The following CPS1 variants were observed in gnomAD, a reference collection of about 807,000 sequenced individuals.
The protein encoded by CPS1 is carbamoyl-phosphate synthase 1.
A neutral mutation model predicts 174.6 loss-of-function variants in CPS1; 109 were observed. That is an observed-to-expected ratio of 0.62 (90% CI 0.53 to 0.73). The LOEUF is 0.73. Ranked by LOEUF, CPS1 falls within the 30% of genes least tolerant of loss-of-function variation. CPS1 has a pLI of 0.00. For synonymous variants in CPS1, 637 were observed against 632.0 expected, an observed-to-expected ratio of 1.01 and a Z score of -0.12; for missense variants, 1,689 against 1,821.9, an observed-to-expected ratio of 0.93 and a Z score of 1.33.
chr2:210,623,039 A>C (rs899784093), intron 21 of CPS1, among the ~76,000 whole-genome samples: 4 of 152,098 alleles, frequency 2.6e-5, no homozygotes, highest in African/African-American at 9.7e-5. Context: ...TATCTTAAAG[A>C]AGATGGCCAG....
intron 1 of CPS1, among the ~76,000 whole-genome samples, chr2:210,515,600 G>A (rs2105981494): frequency 6.6e-6 from 1 of 151,084 alleles, no homozygotes; most frequent in South Asian, 2.1e-4. Context: ...TCTTTTTGTT[G>A]TTAATCTAGG....
chr2:210,583,023 A>G (rs1329626542), intron 6 of CPS1, among the ~76,000 whole-genome samples: 1 of 152,208 alleles, frequency 6.6e-6, no homozygotes, highest in East Asian at 1.9e-4. Context: ...CTGAATTGCC[A>G]AAGATAGGTC....
chr2:210,545,539 GACTT>G (rs964427980), intron 1 of CPS1, among the ~76,000 whole-genome samples: 4 of 151,794 alleles, frequency 2.6e-5, no homozygotes, highest in African/African-American at 7.3e-5. Context: ...GAGATTTTAA[GACTT>G]ACTATTTTTT....
chr2:210,554,895 G>A (rs1002141927), upstream of CPS1, among the ~76,000 whole-genome samples: 3 of 150,572 alleles, frequency 2.0e-5, no homozygotes, highest in South Asian at 2.1e-4. Context: ...AGATCAAGGC[G>A]TAAACTAGTA....
intron 1 of CPS1, among the ~76,000 whole-genome samples, chr2:210,508,654 A>G (rs1391820484): frequency 6.6e-6 from 1 of 152,240 alleles, no homozygotes; most frequent in Non-Finnish European, 1.5e-5. Context: ...AGAAGAAAAC[A>G]GAGAAGAATC....
intron 24 of CPS1, among the ~76,000 whole-genome samples, chr2:210,640,552 T>G (rs1700188544): frequency 6.6e-6 from 1 of 152,194 alleles, no homozygotes; most frequent in Non-Finnish European, 1.5e-5. Flanking sequence ...GTAGGTGAAT[T>G]AAAACATAAT....
At chr2:210,496,005 T>G (rs560049986) in intron 1 of CPS1, among the ~76,000 whole-genome samples, 1 of 152,222 alleles carries the variant, frequency 6.6e-6, no homozygotes, top group South Asian at 2.1e-4. Context: ...TCTTCCTTCC[T>G]TGCTGCAAAA....
intron 1 of CPS1, among the ~76,000 whole-genome samples, chr2:210,524,098 C>G (rs906476407): frequency 6.6e-6 from 1 of 151,988 alleles, no homozygotes; most frequent in African/African-American, 2.4e-5. Flanking sequence ...ATGAACATAA[C>G]TTCCCTTCTC....
intron 21 of CPS1, chr2:210,619,354 A>C (rs539604434): frequency 5.3e-5 from 8 of 152,080 alleles, no homozygotes; most frequent in African/African-American, 1.9e-4. Context: ...TTTTTTGTGA[A>C]GCTTAATTTA....
chr2:210,633,634 A>T (rs1699940245), intron 21 of CPS1, among the ~76,000 whole-genome samples: 1 of 152,160 alleles, frequency 6.6e-6, no homozygotes, highest in South Asian at 2.1e-4. Context: ...GAGGAATCTA[A>T]TTTTTTCTTA....
intron 1 of CPS1, among the ~76,000 whole-genome samples, chr2:210,480,475 G>A (rs1205809157): frequency 6.6e-6 from 1 of 152,214 alleles, no homozygotes; most frequent in Non-Finnish European, 1.5e-5. Flanking sequence ...CAAAGGCGCA[G>A]CATGCTATAG....
In CPS1 at chr2:210,519,840, A is replaced by G. The variant is rs935872820; in HGVS notation, c.4-36879A>G. ...GATTTATGCAAAAGTTCCTAATGAA[A>G]AAATGGCTTTGTTCTGGGTTGTAGT... On this transcript the variant is annotated intron_variant, in intron 1 of 38. Coordinates refer to the CPS1 transcript ENST00000430249. 1.8e-5 allele frequency: 17 copies of G among 961,734 alleles called. No individual in the cohort carries two copies. The South Asian group carries it at 3.4e-4, about 19-fold the overall frequency. The allele number at this position is 961,734 out of a possible 1,614,324, so 59.6% of individuals were successfully genotyped here. A position where few individuals can be genotyped will look rare whatever the true frequency, so the allele number is the denominator to read the frequency against.
At chr2:210,558,720 A>G (rs1697003304) in intron 1 of CPS1, among the ~76,000 whole-genome samples, 1 of 152,080 alleles carries the variant, frequency 6.6e-6, no homozygotes, top group Non-Finnish European at 1.5e-5. Flanking sequence ...CAATTCTCCA[A>G]GATCACAATA....
intron 25 of CPS1, among the ~76,000 whole-genome samples, chr2:210,644,396 C>T (rs1700314402): frequency 1.3e-5 from 2 of 152,030 alleles, no homozygotes; most frequent in Admixed American, 6.5e-5. Context: ...TTAGAGAATG[C>T]ATGACTCGAG....
chr2:210,552,505 C>A (rs374434414), upstream of CPS1, among the ~76,000 whole-genome samples: 2 of 152,132 alleles, frequency 1.3e-5, no homozygotes, highest in East Asian at 3.9e-4. Flanking sequence ...GTTTCTGATT[C>A]ATTACTTAGG....
chr2:210,537,497 C>A (rs1479979583), intron 1 of CPS1, among the ~76,000 whole-genome samples: 2 of 152,158 alleles, frequency 1.3e-5, no homozygotes, highest in Non-Finnish European at 2.9e-5. Flanking sequence ...GCCAAAACAG[C>A]CCTCTGAAGT....
chr2:210,505,167 T>C (rs1297629061), intron 1 of CPS1, among the ~76,000 whole-genome samples: 1 of 151,978 alleles, frequency 6.6e-6, no homozygotes, highest in Non-Finnish European at 1.5e-5. Context: ...TACAATCATA[T>C]TGCAAAGAAA....
intron 21 of CPS1, among the ~76,000 whole-genome samples, chr2:210,625,131 G>C (rs907018280): frequency 7.2e-5 from 11 of 151,758 alleles, no homozygotes; most frequent in African/African-American, 2.7e-4. Flanking sequence ...CTATGTGTAA[G>C]GTTTTGTGCT....
chr2:210,576,955 A>G (rs1697731150), intron 3 of CPS1, among the ~76,000 whole-genome samples: 1 of 152,190 alleles, frequency 6.6e-6, no homozygotes, highest in Admixed American at 6.6e-5. Flanking sequence ...TATCATATAA[A>G]CAATTCAAAA....
Sources: gnomAD v4.1 joint callset for allele counts (sites outside exome capture counted in the v4.1 genomes callset) on GRCh38, gnomAD v4.1.1 for gene constraint, MANE v1.5 for transcripts, NCBI Gene and HGNC (gene_info 2026-07-23, HGNC 2026-07-21) for gene names.